The following DLGAP2 variants were observed in gnomAD, a reference collection of about 807,000 sequenced individuals.
DLGAP2 encodes disks large-associated protein 2.
DLGAP2 carries 26 observed loss-of-function variants against 100.3 expected under a neutral mutation model. The ratio of observed to expected loss-of-function variants is 0.26; its 90% CI spans 0.19 to 0.36. The LOEUF is 0.36. Ranked by LOEUF, DLGAP2 falls within the 10% of genes least tolerant of loss-of-function variation. The pLI, the probability that DLGAP2 is intolerant of heterozygous loss-of-function variation, is 1.00. For synonymous variants in DLGAP2, 886 were observed against 630.1 expected, an observed-to-expected ratio of 1.41 and a Z score of -6.08; for missense variants, 1,858 against 1,453.2, an observed-to-expected ratio of 1.28 and a Z score of -4.53.
chr8:837,269 G>A (rs140698629), intron 1 of DLGAP2, among the ~76,000 whole-genome samples: 11 of 152,324 alleles, frequency 7.2e-5, no homozygotes, highest in Admixed American at 2.6e-4. Context: ...GCCAGTCCTC[G>A]GACCTGTGCA....
intron 2 of DLGAP2, among the ~76,000 whole-genome samples, chr8:1,001,870 T>C (rs1800967664): frequency 6.6e-6 from 1 of 152,206 alleles, no homozygotes; most frequent in South Asian, 2.1e-4. Flanking sequence ...ATAATGCTGC[T>C]GATGCTTTGA....
At chr8:949,190 A>G (rs1799412688) in intron 2 of DLGAP2, among the ~76,000 whole-genome samples, 1 of 152,204 alleles carries the variant, frequency 6.6e-6, no homozygotes, top group African/African-American at 2.4e-5. Context: ...CCTGGAGTAG[A>G]TGGGATCAGG....
At chr8:800,377 A>G (rs1223266907) in intron 1 of DLGAP2, among the ~76,000 whole-genome samples, 1 of 152,258 alleles carries the variant, frequency 6.6e-6, no homozygotes, top group Non-Finnish European at 1.5e-5. Flanking sequence ...AGAATCAGCT[A>G]GATGTGGGCT....
In DLGAP2 at chr8:1,129,603, G is replaced by T. The variant is rs546651015; in HGVS notation, c.74-129248G>T. Among the ~76,000 whole-genome samples, 3 of 152,312 alleles carry T rather than the reference G, an allele frequency of 2.0e-5. No homozygotes were observed. In the East Asian group the frequency reaches 5.8e-4, roughly 29 times the overall value. ...CTCCCACGAGCCTTGCGGGAAGCCTGAGTTTGCCAGTGTTGCCTCGTAGGT... is the reference window on the plus strand; with the variant it reads ...CTCCCACGAGCCTTGCGGGAAGCCTTAGTTTGCCAGTGTTGCCTCGTAGGT... On this transcript the variant is annotated intron_variant, in intron 2 of 14. Coordinates refer to ENST00000637795, the MANE Select transcript of DLGAP2 (RefSeq NM_001346810.2).
chr8:1,184,566 G>A (rs1434111806), intron 2 of DLGAP2, among the ~76,000 whole-genome samples: 2 of 152,186 alleles, frequency 1.3e-5, no homozygotes, highest in African/African-American at 4.8e-5. Flanking sequence ...ACCACAGAAC[G>A]GGTGGTCGAC....
chr8:955,652 A>C (rs932135413), intron 2 of DLGAP2, among the ~76,000 whole-genome samples: 5 of 152,012 alleles, frequency 3.3e-5, no homozygotes, highest in African/African-American at 1.2e-4. Flanking sequence ...TTTCCCCAAA[A>C]CTTCAAGGCT....
chr8:978,579 C>T (rs1800233261), intron 2 of DLGAP2, among the ~76,000 whole-genome samples: 5 of 138,032 alleles, frequency 3.6e-5, no homozygotes, highest in South Asian at 2.4e-4. Flanking sequence ...GGGAGGGCGT[C>T]GGGGATGCAG....
intron 3 of DLGAP2, among the ~76,000 whole-genome samples, chr8:1,359,719 C>G (rs144997785): frequency 6.6e-6 from 1 of 152,228 alleles, no homozygotes; most frequent in Admixed American, 6.5e-5. Context: ...ATAAAACCCG[C>G]GCGTTCCCTG....
chr8:862,829 C>T (rs1204489301), intron 1 of DLGAP2, among the ~76,000 whole-genome samples: 1 of 152,200 alleles, frequency 6.6e-6, no homozygotes, highest in Non-Finnish European at 1.5e-5. Flanking sequence ...GCACTGCTGA[C>T]ATGGGACTGT....
At chr8:1,545,887 G>A (rs963298603) in intron 4 of DLGAP2, among the ~76,000 whole-genome samples, 4 of 152,166 alleles carry the variant, frequency 2.6e-5, no homozygotes, top group Admixed American at 6.5e-5. Context: ...AGTAGGATAC[G>A]TGAGTGGGGC....
intron 2 of DLGAP2, among the ~76,000 whole-genome samples, chr8:1,193,293 T>C (rs973181444): frequency 2.6e-5 from 4 of 152,160 alleles, no homozygotes; most frequent in East Asian, 1.9e-4. Flanking sequence ...CCACCAACAG[T>C]GTAAAAGTGT....
chr8:1,625,632 C>T (rs1797471259), intron 6 of DLGAP2, among the ~76,000 whole-genome samples: 1 of 152,136 alleles, frequency 6.6e-6, no homozygotes, highest in Non-Finnish European at 1.5e-5. Context: ...GTAAAGTTGC[C>T]AGAGAGCCAA....
At chr8:769,365 T>G (rs1169506244) in intron 1 of DLGAP2, among the ~76,000 whole-genome samples, 1 of 151,754 alleles carries the variant, frequency 6.6e-6, no homozygotes, top group Non-Finnish European at 1.5e-5. Context: ...GTCAGTGTGG[T>G]CAGTTGTGAA....
intron 2 of DLGAP2, among the ~76,000 whole-genome samples, chr8:979,983 G>C (rs1400990230): frequency 6.6e-6 from 1 of 152,182 alleles, no homozygotes; most frequent in African/African-American, 2.4e-5. Flanking sequence ...CTGCTAAGGG[G>C]AGATGTCTGT....
intron 5 of DLGAP2, among the ~76,000 whole-genome samples, chr8:1,553,697 C>G (rs1563217784): frequency 6.6e-6 from 1 of 152,290 alleles, no homozygotes; most frequent in East Asian, 1.9e-4. Flanking sequence ...TGAGTACTGA[C>G]CTTTCCTTGC....
At chr8:1,052,247 A>C (rs1394046658) in intron 2 of DLGAP2, among the ~76,000 whole-genome samples, 1 of 152,192 alleles carries the variant, frequency 6.6e-6, no homozygotes, top group Non-Finnish European at 1.5e-5. Context: ...TACATAGCCC[A>C]GGGGGTTTTA....
intron 3 of DLGAP2, among the ~76,000 whole-genome samples, chr8:1,500,764 C>T (rs115750685): frequency 1.1e-3 from 173 of 152,370 alleles, no homozygotes; most frequent in African/African-American, 4.1e-3. Flanking sequence ...TGTGTTAGCA[C>T]AGATCGAACA....
chr8:1,542,873 C>T (rs768499799), intron 4 of DLGAP2, among the ~76,000 whole-genome samples: 3 of 152,176 alleles, frequency 2.0e-5, no homozygotes, highest in African/African-American at 4.8e-5. Flanking sequence ...CTTCATCAAG[C>T]TTTGGAACTG....
intron 3 of DLGAP2, among the ~76,000 whole-genome samples, chr8:1,467,747 A>G (rs1798666093): frequency 6.6e-6 from 1 of 152,098 alleles, no homozygotes; most frequent in Non-Finnish European, 1.5e-5. Context: ...GCTGCCAGTA[A>G]GGGGGGCAGA....
Sources: gnomAD v4.1 joint callset for allele counts (sites outside exome capture counted in the v4.1 genomes callset) on GRCh38, gnomAD v4.1.1 for gene constraint, MANE v1.5 for transcripts, NCBI Gene and HGNC (gene_info 2026-07-23, HGNC 2026-07-21) for gene names.